The following ASCC1 variants were observed in gnomAD, a reference collection of about 807,000 sequenced individuals.
ASCC1 encodes ASC-1 complex subunit P50.
In ASCC1, 35 loss-of-function variants were observed where a neutral mutation model predicts 46.6. The observed-to-expected ratio is 0.75, with a 90% confidence interval of 0.57 to 0.99. ASCC1 has a LOEUF of 0.99. Ranked by LOEUF, ASCC1 falls within the 50% of genes least tolerant of loss-of-function variation. The pLI is 0.00. For synonymous variants in ASCC1, 143 were observed against 146.6 expected (o/e 0.98, Z 0.18); for missense variants, 376 against 428.7 (o/e 0.88, Z 1.09).
At chr10:72,107,932 A>G (rs1842520953) in intron 9 of ASCC1, among the ~76,000 whole-genome samples, 1 of 152,210 alleles carries the variant, frequency 6.6e-6, no homozygotes, top group Non-Finnish European at 1.5e-5. Context: ...ATGAATAAAC[A>G]GTGCCAGAGA....
intron 9 of ASCC1, among the ~76,000 whole-genome samples, chr10:72,111,161 C>A (rs953461036): frequency 6.6e-6 from 1 of 152,106 alleles, no homozygotes; most frequent in Non-Finnish European, 1.5e-5. Context: ...CATCTCCGTG[C>A]ATGTCACAGT....
intron 1 of ASCC1, among the ~76,000 whole-genome samples, chr10:72,214,790 A>C (rs1328378301): frequency 6.6e-6 from 1 of 152,112 alleles, no homozygotes; most frequent in Admixed American, 6.6e-5. Context: ...ATTCATACCA[A>C]ACAATCAGTT....
At chr10:72,177,815 G>T (rs1852042658) in intron 5 of ASCC1, among the ~76,000 whole-genome samples, 1 of 152,130 alleles carries the variant, frequency 6.6e-6, no homozygotes, top group African/African-American at 2.4e-5. Flanking sequence ...ACGAAAGAAT[G>T]AAAAAATAAG....
At chr10:72,193,771 AC>A (rs1260993453) in intron 5 of ASCC1, among the ~76,000 whole-genome samples, 2 of 152,062 alleles carry the variant, frequency 1.3e-5, no homozygotes, top group Non-Finnish European at 2.9e-5. Flanking sequence ...TTAAAGTCTT[AC>A]CTCTTACTGT....
At chr10:72,201,014 C>T (rs991637558) in intron 4 of ASCC1, among the ~76,000 whole-genome samples, 1 of 152,140 alleles carries the variant, frequency 6.6e-6, no homozygotes, top group Non-Finnish European at 1.5e-5. Context: ...ATACGCATGA[C>T]CAGTACCTGA....
At chr10:72,133,484 TG>T (rs1845837806) in intron 7 of ASCC1, 1 of 361,080 alleles carries the variant, frequency 2.8e-6, no homozygotes, top group Non-Finnish European at 5.2e-6. Context: ...TAGTCTGGAA[TG>T]ATCATTAAAG....
At chr10:72,208,303 A>T (rs1857510190) in intron 3 of ASCC1, among the ~76,000 whole-genome samples, 1 of 149,246 alleles carries the variant, frequency 6.7e-6, no homozygotes, top group Admixed American at 6.6e-5. Context: ...TCACACCAAG[A>T]CCTGTTACAC....
chr10:72,157,438 T>C (rs753104494), intron 6 of ASCC1, among the ~76,000 whole-genome samples: 9 of 152,210 alleles, frequency 5.9e-5, no homozygotes, highest in Non-Finnish European at 8.8e-5. Flanking sequence ...ACCATTGGCT[T>C]AGATTCCCAC....
At chr10:72,204,306 C>A in intron 3 of ASCC1, 1 of 1,169,014 alleles carries the variant, frequency 8.6e-7, no homozygotes, top group Non-Finnish European at 1.2e-6. Flanking sequence ...TATCTGAGGA[C>A]TCATGGCAAC....
rs1162449741 is a variant in ASCC1 at position 72,198,374 on chromosome 10, GAGGGA to G, written c.311-1390_311-1386del. On this transcript the variant is annotated intron_variant, in intron 4 of 9. Transcript: ENST00000672957. ...AGGGGAGGGGAGGGGAGGGGGAGGG[GAGGGA>G]AGGGAAGGGAAGGGAAGGGAAGGGA... 8.9e-4 allele frequency: 111 copies of G among 124,936 alleles called. 1 individual carries two copies. The highest frequency in any genetic ancestry group is 2.6e-3 in the Middle Eastern group (1 of 384). 7.7% of individuals were successfully genotyped at this position (124,936 alleles called of 1,614,324 possible).
intron 8 of ASCC1, among the ~76,000 whole-genome samples, chr10:72,129,847 G>A (rs1321827992): frequency 2.6e-5 from 4 of 151,506 alleles, no homozygotes; most frequent in Non-Finnish European, 5.9e-5. Flanking sequence ...TGGGTGTAGT[G>A]GCATGTGCCT....
At chr10:72,179,844 T>C (rs542523762) in intron 5 of ASCC1, among the ~76,000 whole-genome samples, 1 of 152,032 alleles carries the variant, frequency 6.6e-6, no homozygotes, top group Admixed American at 6.6e-5. Context: ...ATATTATAGA[T>C]TACTAGCAGA....
rs1386015674 is a variant in ASCC1 at position 72,096,253 on chromosome 10, C to T, written c.*1081G>A. ...GGCAGGGGTGGGAGGCTGGGGCTCCCCAGCATTCCCGCCTCCCTCTGCTGG... is the reference window on the plus strand; with the variant it reads ...GGCAGGGGTGGGAGGCTGGGGCTCCTCAGCATTCCCGCCTCCCTCTGCTGG... On this transcript the variant is annotated 3_prime_UTR_variant, in exon 10 of 10. Coordinates refer to ENST00000672957, the MANE Select transcript of ASCC1 (RefSeq NM_001198800.3). 2.2e-6 allele frequency: 1 copy of T among 453,972 alleles called. No homozygotes were observed. Among genetic ancestry groups the T allele is most frequent in the East Asian group, 7.0e-5 (1 of 14,388 alleles). The allele number at this position is 453,972 out of a possible 1,614,324, so 28.1% of individuals were successfully genotyped here. A position where few individuals can be genotyped will look rare whatever the true frequency, so the allele number is the denominator to read the frequency against.
chr10:72,140,276 C>T (rs1846809040), intron 7 of ASCC1, among the ~76,000 whole-genome samples: 1 of 152,066 alleles, frequency 6.6e-6, no homozygotes. Context: ...AAATTTCAGT[C>T]ACAAGAAACA....
At chr10:72,150,546 G>T (rs116331070) in intron 7 of ASCC1, among the ~76,000 whole-genome samples, 3,958 of 152,252 alleles carry the variant, frequency 0.026, 173 homozygotes, top group African/African-American at 0.092. Context: ...GTTAACATTG[G>T]AAATGGCTCT....
At chr10:72,206,311 G>C (rs1756308433) in intron 3 of ASCC1, among the ~76,000 whole-genome samples, 1 of 151,988 alleles carries the variant, frequency 6.6e-6, no homozygotes, top group African/African-American at 2.4e-5. Flanking sequence ...GGCTGAGGCA[G>C]GATAATCTCT....
chr10:72,194,078 G>T (rs1854987629), intron 5 of ASCC1, among the ~76,000 whole-genome samples: 1 of 151,610 alleles, frequency 6.6e-6, no homozygotes, highest in African/African-American at 2.4e-5. Flanking sequence ...TAGAGACGGG[G>T]TTTCACCATG....
chr10:72,146,717 G>T (rs1324832802), intron 7 of ASCC1, among the ~76,000 whole-genome samples: 3 of 152,142 alleles, frequency 2.0e-5, no homozygotes, highest in African/African-American at 4.8e-5. Flanking sequence ...ATTAGTAAGT[G>T]TAACTCTACT....
At chr10:72,120,675 C>G (rs1293308865) in intron 9 of ASCC1, among the ~76,000 whole-genome samples, 1 of 151,514 alleles carries the variant, frequency 6.6e-6, no homozygotes, top group Non-Finnish European at 1.5e-5. Flanking sequence ...GTGAAAGAAG[C>G]CGAAGGGAAA....
Sources: gnomAD v4.1 joint callset for allele counts (sites outside exome capture counted in the v4.1 genomes callset) on GRCh38, gnomAD v4.1.1 for gene constraint, MANE v1.5 for transcripts, NCBI Gene and HGNC (gene_info 2026-07-23, HGNC 2026-07-21) for gene names.